Variants in CCDC171 observed in about 807,000 individuals in gnomAD.
CCDC171 encodes the protein coiled-coil domain containing 171.
A neutral mutation model predicts 168.2 loss-of-function variants in CCDC171; 177 were observed. That is an observed-to-expected ratio of 1.05 (90% CI 0.93 to 1.19). The LOEUF is 1.19. Among genes scored for constraint, CCDC171 ranks in the 50% most tolerant of loss-of-function variants. The pLI is 0.00. For missense variants in CCDC171, 1,991 were observed against 1,539.0 expected (o/e 1.29, Z -4.91); for synonymous variants, 687 against 540.8 (o/e 1.27, Z -3.75).
At chr9:15,839,973 C>T (rs2060608558) in intron 21 of CCDC171, among the ~76,000 whole-genome samples, 1 of 130,938 alleles carries the variant, frequency 7.6e-6, no homozygotes, top group Non-Finnish European at 1.7e-5. Flanking sequence ...ATTTGACCTT[C>T]AAATTCTCTT....
rs756806201 is a variant in CCDC171 at position 15,744,359 on chromosome 9, C to T, written c.2136C>T (p.His712=). The change falls in exon 17 of 26, where the codon CAC becomes CAT. Residue 712 remains histidine (H), a synonymous_variant. Coordinates refer to ENST00000380701, the MANE Select transcript of CCDC171 (RefSeq NM_173550.4). ...AACAGTTGGTTCTTGAAAATTCGCA[C>T]TTCAAAAAACTGTTATCACAGACTC... ...SHEQLVLENS[H]FKKLLSQTQR... The T allele has an allele frequency of 3.6e-5, 58 of 1,613,906 alleles. No individual in the cohort carries two copies. Among genetic ancestry groups the T allele is most frequent in the Non-Finnish European group, 4.8e-5 (57 of 1,179,998 alleles).
intron 24 of CCDC171, among the ~76,000 whole-genome samples, chr9:15,889,534 C>T (rs1399214766): frequency 5.9e-5 from 9 of 152,084 alleles, no homozygotes; most frequent in Admixed American, 5.9e-4. Flanking sequence ...CTTGAAAACT[C>T]GAAAGACTTC....
At chr9:15,800,169 T>C (rs2058751570) in intron 21 of CCDC171, among the ~76,000 whole-genome samples, 1 of 152,096 alleles carries the variant, frequency 6.6e-6, no homozygotes, top group Admixed American at 6.6e-5. Context: ...AGCTCTGTTT[T>C]TAGTTTTTTG....
chr9:16,092,282 CT>C, the CCDC171 span, among the ~76,000 whole-genome samples: 2 of 152,190 alleles, frequency 1.3e-5, no homozygotes, highest in South Asian at 4.1e-4. Flanking sequence ...TGGCCTGACT[CT>C]CAAATGAGTT....
At chr9:15,743,191 C>T (rs7044549) in intron 16 of CCDC171, among the ~76,000 whole-genome samples, 123,237 of 129,598 alleles carry the variant, frequency 0.95, 58,583 homozygotes, top group East Asian at 1. Flanking sequence ...TTTGAGACAG[C>T]GTCTTGCCCT....
At chr9:15,616,145 T>G (rs544911614) in intron 6 of CCDC171, among the ~76,000 whole-genome samples, 46 of 152,220 alleles carry the variant, frequency 3.0e-4, no homozygotes, top group African/African-American at 1.1e-3. Flanking sequence ...AGAGACAAGT[T>G]TCCACCATGT....
intron 25 of CCDC171, among the ~76,000 whole-genome samples, chr9:15,928,653 C>G (rs1003591500): frequency 1.4e-4 from 22 of 151,800 alleles, no homozygotes; most frequent in African/African-American, 5.1e-4. Context: ...CTAAATACTT[C>G]TTAGTTAGAT....
chr9:15,873,453 C>T (rs1817444793), intron 23 of CCDC171, among the ~76,000 whole-genome samples: 1 of 151,936 alleles, frequency 6.6e-6, no homozygotes, highest in South Asian at 2.1e-4. Context: ...TTTTGACCTT[C>T]GCTACCTGAT....
rs774276169 is a variant in CCDC171, at chr9:15,721,886, C to T, written c.1425+11C>T. 7.7e-6 allele frequency: 11 copies of T among 1,431,962 alleles called. No individual in the cohort carries two copies. The highest frequency in any genetic ancestry group is 1.4e-5 in the African/African-American group (1 of 69,200). The allele number at this position is 1,431,962 out of a possible 1,614,324, so 88.7% of individuals were successfully genotyped here. A position where few individuals can be genotyped will look rare whatever the true frequency, so the allele number is the denominator to read the frequency against. On this transcript the variant is annotated intron_variant, in intron 12 of 25. Coordinates refer to ENST00000380701, the MANE Select transcript of CCDC171 (RefSeq NM_173550.4). The stretch of plus-strand genomic sequence containing the variant: ...GATGCATCTAATGAGGTAACACTTG[C>T]ACTGTTTGGCTCCACACATATAGCC...
At chr9:15,616,378 C>T (rs1283767590) in intron 6 of CCDC171, among the ~76,000 whole-genome samples, 2 of 152,124 alleles carry the variant, frequency 1.3e-5, no homozygotes, top group Non-Finnish European at 2.9e-5. Flanking sequence ...GCCACTATGC[C>T]TGGCCTATGA....
chr9:15,810,488 G>C (rs7030898), intron 21 of CCDC171, among the ~76,000 whole-genome samples: 87 of 140,098 alleles, frequency 6.2e-4, no homozygotes, highest in South Asian at 9.5e-4. Flanking sequence ...TTGGGGGCCC[G>C]CCATGGGGTG....
chr9:15,711,335 C>G (rs747675768), intron 11 of CCDC171, among the ~76,000 whole-genome samples: 3 of 152,028 alleles, frequency 2.0e-5, no homozygotes, highest in South Asian at 2.1e-4. Context: ...TTGTACACTT[C>G]TTTTTTGAGT....
chr9:15,746,814 G>T (rs568979167), intron 18 of CCDC171, among the ~76,000 whole-genome samples: 1 of 152,322 alleles, frequency 6.6e-6, no homozygotes, highest in South Asian at 2.1e-4. Flanking sequence ...CACCTGGGAA[G>T]CACAAGGGGT....
chr9:15,634,819 C>T (rs1222544960), intron 7 of CCDC171, among the ~76,000 whole-genome samples: 1 of 152,202 alleles, frequency 6.6e-6, no homozygotes, highest in Non-Finnish European at 1.5e-5. Context: ...CCTTTCCTCT[C>T]ATCCCTAAGC....
intron 7 of CCDC171, among the ~76,000 whole-genome samples, chr9:15,649,314 A>T (rs1257237409): frequency 6.6e-6 from 1 of 152,210 alleles, no homozygotes; most frequent in African/African-American, 2.4e-5. Flanking sequence ...AAGCTAGGCA[A>T]TACCATTCAG....
chr9:15,673,290 T>C (rs1176828416), intron 9 of CCDC171, among the ~76,000 whole-genome samples: 1 of 152,252 alleles, frequency 6.6e-6, no homozygotes, highest in Non-Finnish European at 1.5e-5. Context: ...AATCATGTCA[T>C]CTGCAAACAG....
Position 15,971,829 on chromosome 9 carries a change from G to C in CCDC171, c.3974G>C (p.Gly1325Ala), listed in dbSNP as rs1162471166. The change falls in exon 26 of 26, where the codon GGA becomes GCA. Residue 1325 changes from glycine (G) to alanine (A), a missense_variant. Coordinates refer to ENST00000380701, the MANE Select transcript of CCDC171 (RefSeq NM_173550.4). ...SANANRPTQI[G>A]L ...AATGCCAACAGACCAACTCAGATTG[G>C]ATTATGACTTCATGAAATTAAAAAA... is the stretch of plus-strand genomic sequence containing the variant. The C allele has an allele frequency of 3.7e-6, 6 of 1,610,558 alleles. No individual in the cohort carries two copies. Among genetic ancestry groups the C allele is most frequent in the African/African-American group, 1.3e-5 (1 of 74,926 alleles).
At chr9:15,982,744 C>T (rs1831839853) in intron 3 of CCDC171, among the ~76,000 whole-genome samples, 2 of 152,002 alleles carry the variant, frequency 1.3e-5, no homozygotes, top group South Asian at 4.2e-4. Context: ...ACTTTAGGTT[C>T]TTAAACCGAC....
At chr9:15,994,474 T>C (rs1432542638) in intron 3 of CCDC171, among the ~76,000 whole-genome samples, 3 of 152,186 alleles carry the variant, frequency 2.0e-5, no homozygotes, top group Non-Finnish European at 2.9e-5. Context: ...TTTGGAGATA[T>C]ACCTAATGTA....
Sources: gnomAD v4.1 joint callset for allele counts (sites outside exome capture counted in the v4.1 genomes callset) on GRCh38, gnomAD v4.1.1 for gene constraint, MANE v1.5 for transcripts, NCBI Gene and HGNC (gene_info 2026-07-23, HGNC 2026-07-21) for gene names.